Variants in AGO2 observed in about 807,000 individuals in gnomAD.
AGO2 encodes the protein protein argonaute-2.
Under a neutral mutation model 102.3 loss-of-function variants are expected in AGO2, and 5 were observed. The ratio of observed to expected loss-of-function variants is 0.05; its 90% CI spans 0.03 to 0.10. AGO2 has a LOEUF of 0.10. AGO2 is among the 10% of genes least tolerant of loss of function. AGO2 has a pLI of 1.00. For synonymous variants in AGO2, 449 were observed against 473.1 expected (o/e 0.95, Z 0.66); for missense variants, 541 against 1,183.7 (o/e 0.46, Z 7.97).
intron 6 of AGO2, among the ~76,000 whole-genome samples, chr8:140,559,042 C>T (rs374892724): frequency 1.3e-5 from 2 of 152,054 alleles, no homozygotes; most frequent in Admixed American, 1.3e-4. Flanking sequence ...AGACACCTGC[C>T]GGGCTGTGTA....
At chr8:140,558,770 C>A (rs760354320) in intron 6 of AGO2, among the ~76,000 whole-genome samples, 198 bp from the exon 7 acceptor site, 9 of 152,320 alleles carry the variant, frequency 5.9e-5, no homozygotes, top group African/African-American at 2.2e-4. Flanking sequence ...AAGAGTACCA[C>A]GTGGTGGAGG....
chr8:140,535,629 G>A, intron 16 of AGO2, 60 bp from the exon 17 acceptor site: 2 of 1,574,360 alleles, frequency 1.3e-6, no homozygotes, highest in South Asian at 1.1e-5. Context: ...CAAGCAGGCG[G>A]GCCAGGCAGC....
At chr8:140,619,334 G>A (rs1457641117) in intron 1 of AGO2, among the ~76,000 whole-genome samples, 1 of 152,254 alleles carries the variant, frequency 6.6e-6, no homozygotes, top group African/African-American at 2.4e-5. Flanking sequence ...TTCCACTCTG[G>A]ACCACTAATG....
At chr8:140,612,686 A>G (rs754288379) in intron 1 of AGO2, among the ~76,000 whole-genome samples, 26 of 151,954 alleles carry the variant, frequency 1.7e-4, no homozygotes, top group Non-Finnish European at 3.2e-4. Flanking sequence ...CAGGAGGCGG[A>G]GGTTGCAGTG....
rs1285977460 is a variant in AGO2 at position 140,531,990 on chromosome 8, G to A, written c.*54C>T. Reference sequence around the variant, plus strand: ...GGGCTGGCCATCTGTTGGTCTGAGTGTAGCTGGTCTCGTGAATCCCACTCG... The same window carrying A: ...GGGCTGGCCATCTGTTGGTCTGAGTATAGCTGGTCTCGTGAATCCCACTCG... On this transcript the variant is annotated 3_prime_UTR_variant, in exon 19 of 19. Transcript: ENST00000220592. 2 of 1,500,316 alleles carry A rather than the reference G, an allele frequency of 1.3e-6. No homozygotes were observed. The highest frequency in any genetic ancestry group is 1.9e-6 in the Non-Finnish European group (2 of 1,078,468). The allele number at this position is 1,500,316 out of a possible 1,614,324, so 92.9% of individuals were successfully genotyped here.
In AGO2 at chr8:140,520,333, T is replaced by C. The variant is rs1371697175; in HGVS notation, c.*11711A>G. On this transcript the variant is annotated 3_prime_UTR_variant, in exon 19 of 19. Coordinates refer to ENST00000220592, the MANE Select transcript of AGO2 (RefSeq NM_012154.5). ...GTGAAAAAACACTATGCCAAACTTT[T>C]AGTATTAGTTTATATACACACAGTA... 4 of 152,228 alleles carry C rather than the reference T, an allele frequency of 2.6e-5. No homozygotes were observed. The highest frequency in any genetic ancestry group is 9.6e-5 in the African/African-American group (4 of 41,462). 9.4% of individuals were successfully genotyped at this position (152,228 alleles called of 1,614,324 possible). A position where few individuals can be genotyped will look rare whatever the true frequency, so the allele number is the denominator to read the frequency against.
intron 1 of AGO2, among the ~76,000 whole-genome samples, chr8:140,609,511 C>T (rs1381263653): frequency 3.3e-5 from 5 of 152,336 alleles, no homozygotes; most frequent in Admixed American, 2.0e-4. Context: ...GCACCGGCCT[C>T]GTCATCAATT....
chr8:140,613,519 G>A (rs920102091), intron 1 of AGO2, among the ~76,000 whole-genome samples: 4 of 152,108 alleles, frequency 2.6e-5, no homozygotes, highest in African/African-American at 9.7e-5. Flanking sequence ...ATGTAAAGAG[G>A]TCCCAACCAA....
At position 140,589,894 on chromosome 8, in the gene AGO2, G is replaced by A. The variant is rs184436487; in HGVS notation, c.23-4583C>T. Among the ~76,000 whole-genome samples, 47 of 152,290 alleles carry A rather than the reference G, an allele frequency of 3.1e-4. No individual in the cohort carries two copies. The East Asian group carries it at 6.4e-3, about 21-fold the overall frequency. ...TACTCTCCTGCTAAAATCAGGACAC[G>A]AGGGTGACAACTCACCTGTTGTCTA... On this transcript the variant is annotated intron_variant, in intron 1 of 18. Transcript: ENST00000220592. This position sits in a 1 kb window ranked among gnomAD's most constrained non-coding sequence, Gnocchi z 4.2.
chr8:140,568,159 C>T (rs1212902486), intron 3 of AGO2, among the ~76,000 whole-genome samples: 2 of 150,946 alleles, frequency 1.3e-5, no homozygotes, highest in African/African-American at 4.9e-5. Flanking sequence ...TGGCACATGC[C>T]TGTAGTCCCA....
chr8:140,594,642 A>G (rs1423928325), intron 1 of AGO2, among the ~76,000 whole-genome samples: 1 of 152,110 alleles, frequency 6.6e-6, no homozygotes, highest in Non-Finnish European at 1.5e-5. Context: ...AATAAAAAAT[A>G]AAAATAAATA....
At chr8:140,614,316 T>A (rs2074116055) in intron 1 of AGO2, among the ~76,000 whole-genome samples, 1 of 152,068 alleles carries the variant, frequency 6.6e-6, no homozygotes, top group African/African-American at 2.4e-5. Flanking sequence ...AGAGTGAGAC[T>A]CCGTCTCAAA....
At chr8:140,577,008 C>A (rs1239458175) in intron 2 of AGO2, among the ~76,000 whole-genome samples, 1 of 152,052 alleles carries the variant, frequency 6.6e-6, no homozygotes, top group South Asian at 2.1e-4. Flanking sequence ...GAGATCGAGA[C>A]CACCCTGGCT....
At position 140,572,842 on chromosome 8, in the gene AGO2, T is replaced by C; in HGVS notation, c.306A>G (p.Thr102=). 6.2e-7 allele frequency: 1 copy of C among 1,614,140 alleles called. No individual in the cohort carries two copies. The highest frequency in any genetic ancestry group is 8.5e-7 in the Non-Finnish European group (1 of 1,180,018). Reference sequence around the variant, plus strand: ...CCCTCCCAATCGGAAGGGGCATGGCTGTGTATAGATTCTTCCTGCCGTCAA... The same window carrying C: ...CCCTCCCAATCGGAAGGGGCATGGCCGTGTATAGATTCTTCCTGCCGTCAA... ...PVFDGRKNLY[T]AMPLPIGRDK... The change falls in exon 3 of 19, where the codon ACA becomes ACG. Residue 102 remains threonine (T), a synonymous_variant. Coordinates refer to ENST00000220592, the MANE Select transcript of AGO2 (RefSeq NM_012154.5).
upstream of AGO2, among the ~76,000 whole-genome samples, chr8:140,638,763 A>C (rs2074425125): frequency 6.6e-6 from 1 of 151,982 alleles, no homozygotes; most frequent in Non-Finnish European, 1.5e-5. Context: ...TTTTGTAGAG[A>C]CAGGTCTCAC....
At chr8:140,559,083 C>T (rs144451617) in intron 6 of AGO2, among the ~76,000 whole-genome samples, 248 of 152,268 alleles carry the variant, frequency 1.6e-3, no homozygotes, top group African/African-American at 5.8e-3. Flanking sequence ...GAAAACGCAT[C>T]CTAGGTTCCA....
At chr8:140,618,464 G>A (rs1325726246) in intron 1 of AGO2, among the ~76,000 whole-genome samples, 1 of 152,214 alleles carries the variant, frequency 6.6e-6, no homozygotes, top group African/African-American at 2.4e-5. Flanking sequence ...ACTCCAGCCT[G>A]GGTGACAAAG....
At chr8:140,602,855 T>C (rs1406611956) in intron 1 of AGO2, among the ~76,000 whole-genome samples, 1 of 151,874 alleles carries the variant, frequency 6.6e-6, no homozygotes, top group Non-Finnish European at 1.5e-5. Context: ...TATCCAGGAG[T>C]GTTTGCTTCT....
rs78964779 is a variant in AGO2 at position 140,530,156 on chromosome 8, G to GCACACA, written c.*1882_*1887dup. 0.31 allele frequency: 46,417 copies of GCACACA among 150,788 alleles called. 8,856 individuals carry two copies. The highest frequency in any genetic ancestry group is 0.54 in the African/African-American group (22,323 of 41,030). The allele number at this position is 150,788 out of a possible 1,614,324, so 9.3% of individuals were successfully genotyped here. On this transcript the variant is annotated 3_prime_UTR_variant, in exon 19 of 19. Coordinates refer to ENST00000220592, the MANE Select transcript of AGO2 (RefSeq NM_012154.5). ...CACTCACACACAGGGACACACGCAT[G>GCACACA]CACACACACACACACCACTCTGAGT...
Sources: gnomAD v4.1 joint callset for allele counts (sites outside exome capture counted in the v4.1 genomes callset) on GRCh38, gnomAD v4.1.1 for gene constraint, Gnocchi (gnomAD v3.1) non-coding constraint, MANE v1.5 for transcripts, NCBI Gene and HGNC (gene_info 2026-07-23, HGNC 2026-07-21) for gene names.